PID1: variants seen among roughly 807,000 people sequenced by gnomAD.
PID1 encodes phosphotyrosine interaction domain containing 1, also known as PTB-containing, cubilin and LRP1-interacting protein.
In PID1, 10 loss-of-function variants were observed where a neutral mutation model predicts 19.1. The observed-to-expected ratio is 0.52, with a 90% CI of 0.32 to 0.89. The LOEUF is 0.89. PID1 is among the 40% of genes least tolerant of loss of function. The pLI is 0.03. For synonymous variants in PID1, 130 were observed against 116.0 expected (o/e 1.12, Z -0.78); for missense variants, 248 against 285.3 (o/e 0.87, Z 0.94).
chr2:229,199,722 A>T lies in PID1; in HGVS notation c.31-43758T>A, dbSNP rs866200718. On this transcript the variant is annotated intron_variant, in intron 1 of 2. Coordinates refer to ENST00000392055, the MANE Select transcript of PID1 (RefSeq NM_001100818.2). ...AAGACAAATGGGAAATATCTAATTT[A>T]TATATATATATATATATATATATAC... 3.9e-3 allele frequency among the ~76,000 whole-genome samples: 388 copies of T among 99,074 alleles called. 1 individual carries two copies. The highest frequency in any genetic ancestry group is 9.6e-3 in the African/African-American group (218 of 22,826). The allele number at this position is 99,074 out of a possible 152,430, so 65.0% of individuals were successfully genotyped here. A position where few individuals can be genotyped will look rare whatever the true frequency, so the allele number is the denominator to read the frequency against.
At chr2:229,139,037 A>AAGAG (rs745458966) in intron 2 of PID1, among the ~76,000 whole-genome samples, 3 of 55,364 alleles carry the variant, frequency 5.4e-5, no homozygotes, top group Admixed American at 5.0e-4. Flanking sequence ...GAAAGAAAGA[A>AAGAG]AGAGAAAGAA....
intron 1 of PID1, among the ~76,000 whole-genome samples, chr2:229,235,878 G>C (rs1692315753): frequency 6.6e-6 from 1 of 152,174 alleles, no homozygotes; most frequent in Non-Finnish European, 1.5e-5. Flanking sequence ...CGGGGGGCCA[G>C]GCAGGAGGGA....
In PID1 at chr2:229,271,032, C is replaced by T. The variant is rs1574774422; in HGVS notation, c.12G>A (p.Pro4=). MWQ[P]ATERLQHFQT... ...CCCTTACCTGCAGGCGCTCCGTGGC[C>T]GGCTGCCACATCTTCCAGCCCTGGG... is the stretch of plus-strand genomic sequence containing the variant. Residue 4 remains proline (P), a synonymous_variant, in exon 1 of 3, where the codon CCG becomes CCA. Coordinates refer to ENST00000392055, the MANE Select transcript of PID1 (RefSeq NM_001100818.2). The T allele has an allele frequency of 1.3e-6, 2 of 1,542,888 alleles. No homozygotes were observed. The highest frequency in any genetic ancestry group is 1.7e-6 in the Non-Finnish European group (2 of 1,144,032).
At position 229,177,727 on chromosome 2, in the gene PID1, TTCA is replaced by T. The variant is rs375569112; in HGVS notation, c.31-21766_31-21764del. 1.3e-3 allele frequency among the ~76,000 whole-genome samples: 200 copies of T among 151,824 alleles called. 2 individuals carry two copies. Among genetic ancestry groups the T allele is most frequent in the Non-Finnish European group, 1.9e-4 (13 of 67,916 alleles). ...CTATCCAGTTGAACCCCTGGCATCT[TTCA>T]TCATCATCATCATCATCATCATCAT... On this transcript the variant is annotated intron_variant, in intron 1 of 2. Coordinates refer to ENST00000392055, the MANE Select transcript of PID1 (RefSeq NM_001100818.2).
At chr2:229,207,536 G>A (rs888114449) in intron 1 of PID1, among the ~76,000 whole-genome samples, 2 of 149,190 alleles carry the variant, frequency 1.3e-5, no homozygotes, top group African/African-American at 5.0e-5. Context: ...TGAGGTAAAA[G>A]AGCCAGCTGG....
chr2:229,060,278 T>A (rs1694185386), intron 2 of PID1, among the ~76,000 whole-genome samples: 1 of 152,086 alleles, frequency 6.6e-6, no homozygotes, highest in Non-Finnish European at 1.5e-5. Flanking sequence ...CCATTCCCTA[T>A]CTCCCTTCTC....
At chr2:229,092,910 C>T (rs1694902874) in intron 2 of PID1, among the ~76,000 whole-genome samples, 1 of 152,134 alleles carries the variant, frequency 6.6e-6, no homozygotes, top group Admixed American at 6.5e-5. Context: ...AGTTCTTCAT[C>T]TTTTGTTCAC....
intron 2 of PID1, among the ~76,000 whole-genome samples, chr2:229,113,411 T>C (rs1695338292): frequency 7.5e-6 from 1 of 133,526 alleles, no homozygotes; most frequent in African/African-American, 3.0e-5. Flanking sequence ...TATATATATT[T>C]ATATATATAT....
intron 2 of PID1, among the ~76,000 whole-genome samples, chr2:229,070,315 AC>A (rs1694426333): frequency 6.6e-6 from 1 of 152,222 alleles, no homozygotes; most frequent in African/African-American, 2.4e-5. Context: ...TAAGACTGCT[AC>A]TTAATCTTTC....
intron 2 of PID1, among the ~76,000 whole-genome samples, chr2:229,102,825 G>T (rs1695101395): frequency 6.6e-6 from 1 of 152,196 alleles, no homozygotes; most frequent in Non-Finnish European, 1.5e-5. Context: ...CAGCAAAGCT[G>T]ATTTCCACCT....
At chr2:229,139,039 G>GAGAA (rs1158968559) in intron 2 of PID1, among the ~76,000 whole-genome samples, 3 of 48,362 alleles carry the variant, frequency 6.2e-5, no homozygotes, top group East Asian at 9.4e-4. Context: ...AAGAAAGAAA[G>GAGAA]AGAAAGAAAG....
chr2:229,026,871 T>C (rs1693435285), intron 2 of PID1, among the ~76,000 whole-genome samples: 1 of 152,212 alleles, frequency 6.6e-6, no homozygotes, highest in Non-Finnish European at 1.5e-5. Flanking sequence ...TCAAATACTG[T>C]CTTTTTAAAA....
chr2:229,240,260 A>G (rs1689837713), intron 1 of PID1, among the ~76,000 whole-genome samples: 1 of 152,194 alleles, frequency 6.6e-6, no homozygotes, highest in African/African-American at 2.4e-5. Context: ...GACGTGTTTT[A>G]CAAATAAAAT....
At chr2:229,245,057 TC>T (rs1021278770) in intron 1 of PID1, 23 of 152,222 alleles carry the variant, frequency 1.5e-4, no homozygotes, top group African/African-American at 4.8e-4. Flanking sequence ...AAAGCCCATC[TC>T]CACCAGTAGA....
chr2:229,099,592 T>C (rs1695036616), intron 2 of PID1, among the ~76,000 whole-genome samples: 1 of 152,130 alleles, frequency 6.6e-6, no homozygotes, highest in East Asian at 1.9e-4. Flanking sequence ...AATGGCATTC[T>C]GAATGTGATG....
At chr2:229,051,021 G>A (rs1160196749) in intron 2 of PID1, among the ~76,000 whole-genome samples, 3 of 152,158 alleles carry the variant, frequency 2.0e-5, no homozygotes, top group Non-Finnish European at 4.4e-5. Context: ...CAGTTGAAAA[G>A]GTGATATGAA....
At chr2:229,157,369 G>A (rs1690395450) in intron 1 of PID1, among the ~76,000 whole-genome samples, 2 of 151,150 alleles carry the variant, frequency 1.3e-5, no homozygotes, top group South Asian at 4.2e-4. Context: ...GGCGGAGGTT[G>A]CAGTGAGCCG....
chr2:229,085,203 C>T (rs1342320510), intron 2 of PID1, among the ~76,000 whole-genome samples: 2 of 150,954 alleles, frequency 1.3e-5, no homozygotes, highest in African/African-American at 2.4e-5. Context: ...TCTCTCTCAT[C>T]CTCATACTAC....
chr2:229,101,562 C>T (rs1320808657), intron 2 of PID1, among the ~76,000 whole-genome samples: 2 of 152,156 alleles, frequency 1.3e-5, no homozygotes, highest in African/African-American at 4.8e-5. Context: ...AAAATGTTTG[C>T]GTGTATTACC....
Sources: allele counts gnomAD v4.1 joint callset (sites outside exome capture counted in the v4.1 genomes callset), GRCh38; gene constraint gnomAD v4.1.1; transcripts MANE v1.5; gene names NCBI Gene and HGNC (gene_info 2026-07-23, HGNC 2026-07-21).